Variants in ACOT11 observed in about 807,000 individuals in gnomAD.
ACOT11 encodes acyl-CoA thioesterase 11.
ACOT11 carries 69 observed loss-of-function variants against 77.5 expected under a neutral mutation model. That is an observed-to-expected ratio of 0.89 (90% confidence interval 0.73 to 1.09). The LOEUF (loss-of-function observed/expected upper bound fraction) is 1.09, where lower values mean the gene tolerates loss of function less well. ACOT11 is among the 50% of genes least tolerant of loss of function. The pLI, the probability that ACOT11 is intolerant of heterozygous loss-of-function variation, is 0.00. For missense variants in ACOT11, 766 were observed against 813.7 expected (o/e 0.94, Z 0.71); for synonymous variants, 279 against 313.0 (o/e 0.89, Z 1.15).
chr1:54,615,613 C>T (rs765264231), intron 15 of ACOT11, among the ~76,000 whole-genome samples: 11 of 150,232 alleles, frequency 7.3e-5, no homozygotes, highest in Non-Finnish European at 1.3e-4. Context: ...ACTGAGTTGC[C>T]GTGAGGATGA....
intron 1 of ACOT11, among the ~76,000 whole-genome samples, chr1:54,563,919 A>T (rs1175915128): frequency 6.6e-6 from 1 of 152,054 alleles, no homozygotes; most frequent in Non-Finnish European, 1.5e-5. Context: ...TATAAAAATT[A>T]GCTGGGTGTG....
At chr1:54,550,295 G>A (rs575646489) in intron 1 of ACOT11, among the ~76,000 whole-genome samples, 1 of 152,314 alleles carries the variant, frequency 6.6e-6, no homozygotes, top group Non-Finnish European at 1.5e-5. Context: ...TGGGGGTGGA[G>A]GTGGGTATTG....
chr1:54,594,646 G>T lies in ACOT11; in HGVS notation c.562G>T (p.Ala188Ser), dbSNP rs1302606689. 3.1e-6 allele frequency: 5 copies of T among 1,614,066 alleles called. No homozygotes were observed. The highest frequency in any genetic ancestry group is 2.5e-6 in the Non-Finnish European group (3 of 1,179,962). The change falls in exon 6 of 16, where the codon GCA becomes TCA. Residue 188 changes from alanine (A) to serine (S), a missense_variant. Physicochemically the swap from Ala to Ser is moderately conservative, Grantham distance 99. Transcript: ENST00000343744. ...GCGCCGGCGCATGCGCCTTGTCTAT[G>T]CAGACACCATCAAGGACCTCCTGGC... ...AERRRMRLVY[A>S]DTIKDLLANC... is the part of the protein sequence containing the mutation.
Position 54,597,252 on chromosome 1 carries a change from T to G in ACOT11, c.608-7T>G. ...CTGCTTCCCTCCCTTATCCCATCCC[T>G]GGTCAGATCTGGAGAGCAGAGACTG... On this transcript the variant is annotated splice_polypyrimidine_tract_variant and splice_region_variant and intron_variant, in intron 6 of 15. Coordinates refer to ENST00000343744, the MANE Select transcript of ACOT11 (RefSeq NM_147161.4). 1 of 1,610,834 alleles carries G rather than the reference T, an allele frequency of 6.2e-7. No individual in the cohort carries two copies. The highest frequency in any genetic ancestry group is 8.5e-7 in the Non-Finnish European group (1 of 1,180,004).
At chr1:54,576,367 C>T (rs940453881) in intron 1 of ACOT11, among the ~76,000 whole-genome samples, 2 of 151,838 alleles carry the variant, frequency 1.3e-5, no homozygotes, top group African/African-American at 4.8e-5. Context: ...CTGGGTGGCA[C>T]ATGCCTGTGG....
At chr1:54,620,504 G>A (rs374932902) in intron 15 of ACOT11, among the ~76,000 whole-genome samples, 3 of 151,336 alleles carry the variant, frequency 2.0e-5, no homozygotes, top group African/African-American at 7.3e-5. Flanking sequence ...TTAGGAGTTC[G>A]AGACCAGCCT....
At chr1:54,554,311 G>GTGTA in intron 1 of ACOT11, among the ~76,000 whole-genome samples, 1 of 73,066 alleles carries the variant, frequency 1.4e-5, no homozygotes, top group South Asian at 4.7e-4. Flanking sequence ...GTGTGTGTGT[G>GTGTA]TGTGTGTGTG....
At chr1:54,635,148 G>GA (rs1315783039) in exon 17 of ACOT11, 4 of 237,464 alleles carry the variant, frequency 1.7e-5, no homozygotes, top group East Asian at 1.2e-4. Context: ...GACCCAGTTA[G>GA]AAAAAATGAA....
intron 8 of ACOT11, 184 bp downstream of exon 8, chr1:54,599,599 T>TGGCTCCCAGTCCTGCCCACCCC (rs1553164243): frequency 3.2e-6 from 2 of 623,722 alleles, no homozygotes; most frequent in Non-Finnish European, 4.6e-6. Flanking sequence ...GAGCCTTCCC[T>TGGCTCCCAGTCCTGCCCACCCC]GGCTCCCAGT....
At position 54,619,871 on chromosome 1, in the gene ACOT11, G is replaced by A. The variant is rs111721175; in HGVS notation, c.1630-10863G>A. ...CTTGGCAGCTGGACTTACTGTTCAG[G>A]GCAGCTGTCATGGCTTTCTTGCTGT... On this transcript the variant is annotated intron_variant, in intron 15 of 16. Transcript: ENST00000371316. 326 of 1,613,896 alleles carry A rather than the reference G, an allele frequency of 2.0e-4. No individual in the cohort carries two copies. In the African/African-American group the frequency reaches 3.7e-3, roughly 18 times the overall value.
Position 54,599,416 on chromosome 1 carries a change from G to C in ACOT11, c.884+1G>C, listed in dbSNP as rs1325894058. 1 of 1,600,676 alleles carries C rather than the reference G, an allele frequency of 6.2e-7. No individual in the cohort carries two copies. The highest frequency in any genetic ancestry group is 1.3e-5 in the African/African-American group (1 of 74,492). ...TCGTGAACAATGCCTTCAAACATAGGTGAGGGTCTGGGATGGGTGCGGCCA... is the reference window on the plus strand; with the variant it reads ...TCGTGAACAATGCCTTCAAACATAGCTGAGGGTCTGGGATGGGTGCGGCCA... On this transcript the variant is annotated splice_donor_variant, in intron 8 of 15. Coordinates refer to ENST00000343744, the MANE Select transcript of ACOT11 (RefSeq NM_147161.4). LOFTEE classifies it high-confidence loss of function.
chr1:54,614,960 G>A, downstream of ACOT11: 1 of 1,202,624 alleles, frequency 8.3e-7, no homozygotes, highest in Non-Finnish European at 1.2e-6. Context: ...GTGTGCATGT[G>A]CGTGCACAGT....
At chr1:54,587,994 C>A (rs1654567431) in intron 3 of ACOT11, among the ~76,000 whole-genome samples, 1 of 152,126 alleles carries the variant, frequency 6.6e-6, no homozygotes, top group Admixed American at 6.5e-5. Context: ...AGGCAGATTA[C>A]TTGAGCTCAG....
At chr1:54,562,833 A>C (rs1303771721) in intron 1 of ACOT11, among the ~76,000 whole-genome samples, 1 of 108,052 alleles carries the variant, frequency 9.3e-6, no homozygotes, top group East Asian at 2.5e-4. Flanking sequence ...GACGCTCCTC[A>C]CTTCCTAGAT....
chr1:54,638,263 C>G (rs1259353199), exon 17 of ACOT11: 1 of 152,200 alleles, frequency 6.6e-6, no homozygotes, highest in African/African-American at 2.4e-5. Flanking sequence ...CTTTGATGTA[C>G]TAAAATAAAA....
intron 1 of ACOT11, among the ~76,000 whole-genome samples, chr1:54,576,837 A>G (rs960583754): frequency 1.7e-5 from 2 of 120,976 alleles, no homozygotes; most frequent in African/African-American, 5.6e-5. Flanking sequence ...GACCTTGTTA[A>G]TAAGGAGTTC....
intron 3 of ACOT11, among the ~76,000 whole-genome samples, chr1:54,589,767 A>G (rs77356597): frequency 0.042 from 6,467 of 152,246 alleles, 457 homozygotes; most frequent in African/African-American, 0.15. Context: ...GATAACAAGC[A>G]TGAGCCACCA....
chr1:54,572,665 C>T (rs1653966233), intron 1 of ACOT11, among the ~76,000 whole-genome samples: 1 of 152,188 alleles, frequency 6.6e-6, no homozygotes, highest in Admixed American at 6.5e-5. Flanking sequence ...TTGTGGTCTG[C>T]TGGAGGTAGA....
At chr1:54,572,191 G>A (rs1557651790) in intron 1 of ACOT11, among the ~76,000 whole-genome samples, 2 of 151,604 alleles carry the variant, frequency 1.3e-5, no homozygotes, top group Non-Finnish European at 1.5e-5. Context: ...TGTCTTTGAC[G>A]CCTTTCCTTT....
Sources: allele counts gnomAD v4.1 joint callset (sites outside exome capture counted in the v4.1 genomes callset), GRCh38; gene constraint gnomAD v4.1.1; transcripts MANE v1.5; gene names NCBI Gene and HGNC (gene_info 2026-07-23, HGNC 2026-07-21).